Variants in MYT1L observed in about 807,000 individuals in gnomAD.
MYT1L encodes the protein myelin transcription factor 1 like.
MYT1L carries 12 observed loss-of-function variants against 126.7 expected under a neutral mutation model. The ratio of observed to expected loss-of-function variants is 0.09; its 90% confidence interval spans 0.06 to 0.15. The LOEUF (loss-of-function observed/expected upper bound fraction) is 0.15, where lower values mean the gene tolerates loss of function less well. MYT1L is among the 10% of genes least tolerant of loss of function. The pLI, the probability that MYT1L is intolerant of heterozygous loss-of-function variation, is 1.00. For synonymous variants in MYT1L, 541 were observed against 604.2 expected (o/e 0.90, Z 1.53); for missense variants, 979 against 1,585.2 (o/e 0.62, Z 6.49).
At chr2:2,253,276 C>T (rs2094706441) in intron 2 of MYT1L, among the ~76,000 whole-genome samples, 1 of 152,256 alleles carries the variant, frequency 6.6e-6, no homozygotes, top group Non-Finnish European at 1.5e-5. Context: ...CCTCCCTTCT[C>T]TGGGAACAGG....
At chr2:2,241,224 C>A (rs1429111753) in intron 2 of MYT1L, among the ~76,000 whole-genome samples, 1 of 152,032 alleles carries the variant, frequency 6.6e-6, no homozygotes, top group African/African-American at 2.4e-5. Flanking sequence ...AAAATGTGTG[C>A]TCTTAAAAGG....
chr2:1,957,595 T>C (rs971617656), intron 8 of MYT1L, among the ~76,000 whole-genome samples: 2 of 149,678 alleles, frequency 1.3e-5, no homozygotes, highest in African/African-American at 2.5e-5. Flanking sequence ...CATCTATCTA[T>C]CTATTATCTA....
chr2:2,195,727 T>C (rs1291266323), intron 2 of MYT1L, among the ~76,000 whole-genome samples: 1 of 152,148 alleles, frequency 6.6e-6, no homozygotes, highest in African/African-American at 2.4e-5. Flanking sequence ...CAAGTGGAAA[T>C]TTTAGAATTA....
chr2:2,233,653 G>T (rs2094213740), intron 2 of MYT1L, among the ~76,000 whole-genome samples: 2 of 152,208 alleles, frequency 1.3e-5, no homozygotes, highest in Admixed American at 1.3e-4. Context: ...GAGTGTGGTT[G>T]TAACAAGAGA....
chr2:1,961,291 G>T (rs1242872309), intron 8 of MYT1L, among the ~76,000 whole-genome samples: 1 of 152,162 alleles, frequency 6.6e-6, no homozygotes, highest in Non-Finnish European at 1.5e-5. Context: ...AACCACACTT[G>T]TGCCCCTCAA....
At chr2:2,052,106 C>A (rs184670995) in intron 4 of MYT1L, among the ~76,000 whole-genome samples, 33 of 152,170 alleles carry the variant, frequency 2.2e-4, no homozygotes, top group South Asian at 4.2e-4. Context: ...AGAAACAGAC[C>A]AGTAGAACAG....
At chr2:1,965,737 G>C (rs947914510) in intron 8 of MYT1L, among the ~76,000 whole-genome samples, 1 of 152,228 alleles carries the variant, frequency 6.6e-6, no homozygotes, top group South Asian at 2.1e-4. Flanking sequence ...CCTCACGAAT[G>C]CATGTGGGCA....
intron 14 of MYT1L, among the ~76,000 whole-genome samples, chr2:1,893,574 T>G (rs1241776895): frequency 6.6e-6 from 1 of 152,094 alleles, no homozygotes; most frequent in Non-Finnish European, 1.5e-5. Flanking sequence ...TGATGGAAAC[T>G]ATGGTTTTGT....
At position 1,852,103 on chromosome 2, in the gene MYT1L, C is replaced by T. The variant is rs1362201293; in HGVS notation, c.2712-400G>A. On this transcript the variant is annotated intron_variant, in intron 18 of 24. Transcript: ENST00000647738. This position sits in a 1 kb window ranked among gnomAD's most constrained non-coding sequence, Gnocchi z 4.0. ...CAAGGCTCACACATGAACAGACATG[C>T]CCTGGGGTCTGAGAGAATGGTTTTA... Among the ~76,000 whole-genome samples, 1 of 152,202 alleles carries T rather than the reference C, an allele frequency of 6.6e-6. No individual in the cohort carries two copies. The highest frequency in any genetic ancestry group is 6.5e-5 in the Admixed American group (1 of 15,284).
At chr2:2,140,043 C>T (rs530350948) in intron 3 of MYT1L, among the ~76,000 whole-genome samples, 8 of 152,206 alleles carry the variant, frequency 5.3e-5, no homozygotes, top group African/African-American at 1.9e-4. Flanking sequence ...TTTCTCACAG[C>T]AGAAATAAAA....
chr2:2,061,412 ATATT>A (rs1303631153), intron 3 of MYT1L, among the ~76,000 whole-genome samples: 1 of 152,132 alleles, frequency 6.6e-6, no homozygotes, highest in Non-Finnish European at 1.5e-5. Context: ...AATGAAAACT[ATATT>A]TATGCTATTC....
intron 21 of MYT1L, among the ~76,000 whole-genome samples, chr2:1,813,912 A>G (rs1463119802): frequency 1.6e-5 from 2 of 123,692 alleles, no homozygotes; most frequent in Non-Finnish European, 3.4e-5. Flanking sequence ...CTGTAGTCCC[A>G]GCTACTCGGG....
intron 2 of MYT1L, among the ~76,000 whole-genome samples, chr2:2,275,138 C>G (rs2095333387): frequency 6.6e-6 from 1 of 150,842 alleles, no homozygotes; most frequent in Non-Finnish European, 1.5e-5. Context: ...TGAGCCAGGT[C>G]TTGGAGGATA....
intron 2 of MYT1L, among the ~76,000 whole-genome samples, chr2:2,254,167 G>C (rs1206924075): frequency 6.6e-6 from 1 of 152,158 alleles, no homozygotes; most frequent in Non-Finnish European, 1.5e-5. Flanking sequence ...AACATATAAG[G>C]TTTTGCATAA....
At chr2:1,983,026 T>C (rs975134923) in intron 5 of MYT1L, among the ~76,000 whole-genome samples, 3 of 152,210 alleles carry the variant, frequency 2.0e-5, no homozygotes, top group Non-Finnish European at 4.4e-5. Context: ...TTTATGCATA[T>C]AGGGGCAAAC....
chr2:2,147,051 A>G (rs767140037), intron 3 of MYT1L, among the ~76,000 whole-genome samples: 1 of 152,194 alleles, frequency 6.6e-6, no homozygotes, highest in Non-Finnish European at 1.5e-5. Context: ...GGGCTGCTGC[A>G]GTTATTAGCA....
At chr2:2,188,728 T>A (rs1572289362) in intron 2 of MYT1L, among the ~76,000 whole-genome samples, 1 of 152,228 alleles carries the variant, frequency 6.6e-6, no homozygotes. Flanking sequence ...TTTCCAAGCT[T>A]ATTGCTTATG....
intron 23 of MYT1L, among the ~76,000 whole-genome samples, chr2:1,799,142 C>T (rs1025347880): frequency 1.3e-5 from 2 of 152,238 alleles, no homozygotes; most frequent in African/African-American, 2.4e-5. Flanking sequence ...TCACCTCTCT[C>T]ATCAGCCGAG....
At position 2,020,439 on chromosome 2, in the gene MYT1L, C is replaced by T. The variant is rs143320558; in HGVS notation, c.-157-23092G>A. 9.3e-4 allele frequency among the ~76,000 whole-genome samples: 141 copies of T among 152,272 alleles called. 1 individual carries two copies. The highest frequency in any genetic ancestry group is 3.0e-3 in the African/African-American group (124 of 41,550). Reference sequence around the variant, plus strand: ...CTCAGCACAGGAAGGCGCACGTTCACGAACACATTTGCCAGTGTGGGGTTA... The same window carrying T: ...CTCAGCACAGGAAGGCGCACGTTCATGAACACATTTGCCAGTGTGGGGTTA... On this transcript the variant is annotated intron_variant, in intron 4 of 24. Coordinates refer to ENST00000647738, the MANE Select transcript of MYT1L (RefSeq NM_001303052.2).
Sources: gnomAD v4.1 joint callset for allele counts (sites outside exome capture counted in the v4.1 genomes callset) on GRCh38, gnomAD v4.1.1 for gene constraint, Gnocchi (gnomAD v3.1) non-coding constraint, MANE v1.5 for transcripts, NCBI Gene and HGNC (gene_info 2026-07-23, HGNC 2026-07-21) for gene names.